MYH10: variants seen among roughly 807,000 people sequenced by gnomAD.
The protein encoded by MYH10 is myosin heavy chain 10.
MYH10 carries 55 observed loss-of-function variants against 257.8 expected under a neutral mutation model. The ratio of observed to expected loss-of-function variants is 0.21; its 90% CI spans 0.17 to 0.27. MYH10 has a LOEUF of 0.27. MYH10 is among the 10% of genes least tolerant of loss of function. The pLI is 1.00. For missense variants in MYH10, 1,631 were observed against 2,500.6 expected, an observed-to-expected ratio of 0.65 and a Z score of 7.42; for synonymous variants, 854 against 921.7, an observed-to-expected ratio of 0.93 and a Z score of 1.33.
chr17:8,553,465 T>C (rs936214953), intron 8 of MYH10, among the ~76,000 whole-genome samples: 1 of 152,246 alleles, frequency 6.6e-6, no homozygotes, highest in African/African-American at 2.4e-5. Context: ...TACACATATA[T>C]AAACCTTCTT....
At chr17:8,563,890 G>GT (rs1491233030) in intron 7 of MYH10, among the ~76,000 whole-genome samples, 3 of 98,664 alleles carry the variant, frequency 3.0e-5, no homozygotes, top group Non-Finnish European at 4.5e-5. Flanking sequence ...AAGTCAACTT[G>GT]GAAAAAAAAA....
chr17:8,601,584 G>A (rs2084597093), intron 3 of MYH10, among the ~76,000 whole-genome samples: 2 of 152,114 alleles, frequency 1.3e-5, no homozygotes, highest in Admixed American at 1.3e-4. Context: ...TCTCTCATAA[G>A]CACCATCTGA....
intron 16 of MYH10, among the ~76,000 whole-genome samples, chr17:8,533,347 G>A (rs2082054946): frequency 1.3e-5 from 2 of 152,064 alleles, no homozygotes; most frequent in Non-Finnish European, 2.9e-5. Context: ...CTCATTTCCT[G>A]CTCACTCTTC....
intron 29 of MYH10, 147 bp from the exon 30 acceptor site, chr17:8,499,623 G>C: frequency 4.1e-6 from 3 of 734,264 alleles, no homozygotes; most frequent in South Asian, 1.8e-5. Context: ...AATGTTTGCT[G>C]TTCTCTGAGT....
At chr17:8,476,047 A>AC (rs1271949315) in intron 42 of MYH10, 99 bp from the exon 43 acceptor site, 1 of 1,364,882 alleles carries the variant, frequency 7.3e-7, no homozygotes, top group Non-Finnish European at 9.9e-7. Flanking sequence ...TTCCCCTTGC[A>AC]CCCCCTCCTC....
chr17:8,510,781 C>T (rs961783331), intron 24 of MYH10, among the ~76,000 whole-genome samples: 5 of 151,936 alleles, frequency 3.3e-5, no homozygotes, highest in Admixed American at 2.0e-4. Flanking sequence ...TAGTACAGGT[C>T]GTGAGAAATG....
At chr17:8,587,126 T>A (rs1175567005) in intron 4 of MYH10, among the ~76,000 whole-genome samples, 1 of 152,064 alleles carries the variant, frequency 6.6e-6, no homozygotes, top group Non-Finnish European at 1.5e-5. Flanking sequence ...AGACACCAAG[T>A]GGAGAAGAAA....
chr17:8,558,317 T>C (rs534157637), intron 7 of MYH10, among the ~76,000 whole-genome samples: 1 of 152,270 alleles, frequency 6.6e-6, no homozygotes, highest in South Asian at 2.1e-4. Flanking sequence ...ATGTGGTCTG[T>C]GCACTTCCAC....
At chr17:8,481,068 C>T (rs905409043) in intron 38 of MYH10, among the ~76,000 whole-genome samples, 16 of 54,744 alleles carry the variant, frequency 2.9e-4, no homozygotes, top group Admixed American at 4.1e-4. Context: ...GCGCACCCCA[C>T]GGCTCCCCCC....
chr17:8,560,934 A>G (rs1473195297), intron 7 of MYH10: 2 of 475,328 alleles, frequency 4.2e-6, no homozygotes, highest in Non-Finnish European at 7.8e-6. Flanking sequence ...ACTGGCAAGA[A>G]GATCACCACT....
intron 16 of MYH10, among the ~76,000 whole-genome samples, chr17:8,532,813 A>G (rs1315234544): frequency 6.6e-6 from 1 of 152,206 alleles, no homozygotes; most frequent in East Asian, 1.9e-4. Context: ...TAGCTCACAG[A>G]TTATTGCCAT....
intron 2 of MYH10, among the ~76,000 whole-genome samples, chr17:8,605,749 A>G (rs1200105311): frequency 6.7e-6 from 1 of 149,416 alleles, no homozygotes; most frequent in Non-Finnish European, 1.5e-5. Context: ...CATCACAAAC[A>G]AACAAACAAA....
At chr17:8,554,316 A>C (rs1417240294) in intron 7 of MYH10, 2 of 187,684 alleles carry the variant, frequency 1.1e-5, no homozygotes, top group African/African-American at 4.7e-5. Context: ...ATAATCTGAA[A>C]TATGAGAGAT....
intron 1 of MYH10, among the ~76,000 whole-genome samples, chr17:8,630,176 C>G (rs377408877): frequency 5.3e-5 from 8 of 151,774 alleles, no homozygotes; most frequent in East Asian, 1.9e-4. Context: ...TTAGAATCCC[C>G]TCTCTTCCTG....
intron 4 of MYH10, among the ~76,000 whole-genome samples, chr17:8,587,811 C>T (rs7212616): frequency 0.97 from 147,143 of 152,328 alleles, 71,277 homozygotes; most frequent in East Asian, 1. Flanking sequence ...TCCCAAACTA[C>T]CTGAAAGTAG....
intron 13 of MYH10, among the ~76,000 whole-genome samples, chr17:8,542,853 G>A (rs936146293): frequency 1.3e-5 from 2 of 152,258 alleles, no homozygotes; most frequent in East Asian, 1.9e-4. Context: ...CATGGAATGC[G>A]CTTAGTATGA....
intron 30 of MYH10, among the ~76,000 whole-genome samples, chr17:8,495,715 G>T (rs1335593382): frequency 6.9e-6 from 1 of 144,572 alleles, no homozygotes; most frequent in Admixed American, 7.0e-5. Flanking sequence ...GTACAAGAAA[G>T]TTTTTTTTTT....
chr17:8,487,668 T>TG, intron 35 of MYH10, 74 bp from the exon 36 acceptor site: 3 of 1,554,264 alleles, frequency 1.9e-6, no homozygotes, highest in Non-Finnish European at 2.6e-6. Context: ...TGTTCTCAAG[T>TG]GGGGGGCTCT....
At chr17:8,607,154 A>G (rs954303437) in intron 2 of MYH10, among the ~76,000 whole-genome samples, 1 of 152,222 alleles carries the variant, frequency 6.6e-6, no homozygotes, top group East Asian at 1.9e-4. Flanking sequence ...TTTTTGTACA[A>G]CCACCCTCAC....
Sources: gnomAD v4.1 joint callset for allele counts (sites outside exome capture counted in the v4.1 genomes callset) on GRCh38, gnomAD v4.1.1 for gene constraint, MANE v1.5 for transcripts, NCBI Gene and HGNC (gene_info 2026-07-23, HGNC 2026-07-21) for gene names.